GLCCI1: variants seen among roughly 807,000 people sequenced by gnomAD.
GLCCI1 encodes glucocorticoid-induced transcript 1 protein.
GLCCI1 carries 24 observed loss-of-function variants against 52.2 expected under a neutral mutation model. That is an observed-to-expected ratio of 0.46 (90% CI 0.33 to 0.65). The LOEUF is 0.65. Among genes scored for constraint, GLCCI1 ranks in the 30% least tolerant of loss-of-function variants. GLCCI1 has a pLI of 0.02. For missense variants in GLCCI1, 704 were observed against 701.5 expected (o/e 1.00, Z -0.04); for synonymous variants, 310 against 276.5 (o/e 1.12, Z -1.20).
chr7:8,066,802 C>T (rs1370714055), intron 5 of GLCCI1, among the ~76,000 whole-genome samples: 4 of 151,592 alleles, frequency 2.6e-5, no homozygotes, highest in Non-Finnish European at 4.4e-5. Context: ...TATGTCCATT[C>T]GTGTGGTTGT....
chr7:7,972,975 T>C (rs1780384217), intron 1 of GLCCI1, among the ~76,000 whole-genome samples: 1 of 152,178 alleles, frequency 6.6e-6, no homozygotes, highest in African/African-American at 2.4e-5. Context: ...TTCTTTTGTA[T>C]TTTTAAAACT....
In GLCCI1 at chr7:7,969,939, AC is replaced by A; in HGVS notation, c.457+138del. Reference sequence around the variant, plus strand: ...GTGTGAAAGTGGCTTTGGGAATCTCACCCCCCTGCGGTCGCTGTGGGGCTTG... The same window carrying A: ...GTGTGAAAGTGGCTTTGGGAATCTCACCCCCTGCGGTCGCTGTGGGGCTTG... On this transcript the variant is annotated intron_variant, in intron 1 of 7. Coordinates refer to ENST00000223145, the MANE Select transcript of GLCCI1 (RefSeq NM_138426.4). The surrounding 1 kb of genome is among the most constrained non-coding windows in gnomAD (Gnocchi z 4.9). 1 of 1,098,638 alleles carries A rather than the reference AC, an allele frequency of 9.1e-7. No individual in the cohort carries two copies. Among genetic ancestry groups the A allele is most frequent in the Non-Finnish European group, 1.1e-6 (1 of 893,182 alleles). 68.1% of individuals were successfully genotyped at this position (1,098,638 alleles called of 1,614,324 possible).
rs58360790 is a variant in GLCCI1, at chr7:8,088,240, T to TTGTG, written c.*1730_*1733dup. Reference sequence around the variant, plus strand: ...AGAAATGATATATATATGTATATGTTTGTGTGTGTGTGTGTGTGTGTGTGT... The same window carrying TTGTG: ...AGAAATGATATATATATGTATATGTTTGTGTGTGTGTGTGTGTGTGTGTGTGTGT... On this transcript the variant is annotated 3_prime_UTR_variant, in exon 8 of 8. Coordinates refer to ENST00000223145, the MANE Select transcript of GLCCI1 (RefSeq NM_138426.4). The TTGTG allele has an allele frequency of 0.02, 2,924 of 147,398 alleles. 43 individuals carry two copies. Among genetic ancestry groups the TTGTG allele is most frequent in the East Asian group, 0.068 (343 of 5,010 alleles). 9.1% of individuals were successfully genotyped at this position (147,398 alleles called of 1,614,324 possible).
chr7:8,029,235 C>G lies in GLCCI1; in HGVS notation c.696+6666C>G, dbSNP rs184748094. Among the ~76,000 whole-genome samples the G allele has an allele frequency of 9.7e-4, 147 of 152,280 alleles. 1 individual carries two copies. Among genetic ancestry groups the G allele is most frequent in the Middle Eastern group, 3.4e-3 (1 of 294 alleles). ...AACTAGCAAACCAAATTCAGCAATA[C>G]TTTAAAAAGATCATTCATCCTGTCC... On this transcript the variant is annotated intron_variant, in intron 3 of 7. Transcript: ENST00000223145.
chr7:7,973,967 G>A (rs1351564881), intron 1 of GLCCI1, among the ~76,000 whole-genome samples: 2 of 151,744 alleles, frequency 1.3e-5, no homozygotes, highest in Non-Finnish European at 2.9e-5. Context: ...TTTATTCTCA[G>A]GCTATTCTTG....
intron 1 of GLCCI1, among the ~76,000 whole-genome samples, chr7:7,971,196 C>G (rs1211020691): frequency 6.6e-6 from 1 of 152,156 alleles, no homozygotes; most frequent in Non-Finnish European, 1.5e-5. Flanking sequence ...ACTCCTCCCC[C>G]AGGTCAAGCC....
intron 5 of GLCCI1, among the ~76,000 whole-genome samples, chr7:8,069,339 G>A (rs1240573718): frequency 6.6e-6 from 1 of 152,150 alleles, no homozygotes. Context: ...TTAGGGCCGT[G>A]GCAGCTTGCT....
At chr7:7,996,737 A>G (rs1229830156) in intron 1 of GLCCI1, among the ~76,000 whole-genome samples, 1 of 152,188 alleles carries the variant, frequency 6.6e-6, no homozygotes, top group Non-Finnish European at 1.5e-5. Flanking sequence ...TTTGGTCAGA[A>G]GCATGTTTGT....
intron 3 of GLCCI1, among the ~76,000 whole-genome samples, chr7:8,036,396 G>A (rs1345219838): frequency 6.6e-6 from 1 of 151,814 alleles, no homozygotes; most frequent in African/African-American, 2.4e-5. Context: ...TCCTTAAGAT[G>A]GAAAAAAAAT....
intron 1 of GLCCI1, among the ~76,000 whole-genome samples, chr7:7,972,323 ATGTGTG>A (rs140431128): frequency 3.3e-5 from 5 of 149,688 alleles, no homozygotes; most frequent in African/African-American, 4.9e-5. Flanking sequence ...ACTTCAGTGT[ATGTGTG>A]TGTGTGTGTG....
At chr7:8,054,884 TA>T (rs1333258436) in intron 3 of GLCCI1, among the ~76,000 whole-genome samples, 4 of 151,838 alleles carry the variant, frequency 2.6e-5, no homozygotes, top group Non-Finnish European at 5.9e-5. Context: ...TATTTGTTTT[TA>T]AAGGTTTTAT....
At chr7:8,070,344 C>A (rs773202914) in intron 5 of GLCCI1, 1 of 152,128 alleles carries the variant, frequency 6.6e-6, no homozygotes, top group Admixed American at 6.5e-5. Context: ...TATTAGAATT[C>A]TTTTGAGTTA....
chr7:8,051,522 G>A (rs1163175842), intron 3 of GLCCI1, among the ~76,000 whole-genome samples: 1 of 152,168 alleles, frequency 6.6e-6, no homozygotes, highest in East Asian at 1.9e-4. Flanking sequence ...TACCTTGAGT[G>A]ACTTAGTATT....
intron 6 of GLCCI1, among the ~76,000 whole-genome samples, chr7:8,079,656 C>T (rs1028717488): frequency 1.3e-5 from 2 of 151,524 alleles, no homozygotes; most frequent in African/African-American, 2.4e-5. Flanking sequence ...ATTTTGACTA[C>T]ACAAAAACAA....
chr7:8,024,476 A>G (rs1781570497), intron 3 of GLCCI1, among the ~76,000 whole-genome samples: 1 of 152,256 alleles, frequency 6.6e-6, no homozygotes, highest in Admixed American at 6.5e-5. Flanking sequence ...AGTTGAATAC[A>G]GTCTTAGAGT....
chr7:7,983,530 A>C (rs914385697), intron 1 of GLCCI1, among the ~76,000 whole-genome samples: 6 of 152,192 alleles, frequency 3.9e-5, no homozygotes, highest in African/African-American at 1.2e-4. Flanking sequence ...GTGCTTCACC[A>C]AATAATAGCA....
At chr7:8,064,049 G>C (rs1782576609) in intron 5 of GLCCI1, among the ~76,000 whole-genome samples, 1 of 152,108 alleles carries the variant, frequency 6.6e-6, no homozygotes, top group Admixed American at 6.5e-5. Flanking sequence ...CCATTATGTA[G>C]GTTGTCTGTG....
At chr7:7,983,021 C>A (rs1238056747) in intron 1 of GLCCI1, among the ~76,000 whole-genome samples, 1 of 151,964 alleles carries the variant, frequency 6.6e-6, no homozygotes, top group Non-Finnish European at 1.5e-5. Context: ...GGACACTTGC[C>A]CCGTTGTACT....
chr7:8,077,234 C>A (rs910019841), intron 6 of GLCCI1, among the ~76,000 whole-genome samples: 1 of 152,268 alleles, frequency 6.6e-6, no homozygotes, highest in African/African-American at 2.4e-5. Context: ...GAGTTTTCCT[C>A]CCCCATTATC....
Sources: gnomAD v4.1 joint callset for allele counts (sites outside exome capture counted in the v4.1 genomes callset) on GRCh38, gnomAD v4.1.1 for gene constraint, Gnocchi (gnomAD v3.1) non-coding constraint, MANE v1.5 for transcripts, NCBI Gene and HGNC (gene_info 2026-07-23, HGNC 2026-07-21) for gene names.